The following SH3RF1 variants were observed in gnomAD, a reference collection of about 807,000 sequenced individuals.
SH3RF1 encodes the protein E3 ubiquitin-protein ligase SH3RF1.
SH3RF1 carries 32 observed loss-of-function variants against 74.0 expected under a neutral mutation model. That is an observed-to-expected ratio of 0.43 (90% CI 0.33 to 0.58). The LOEUF is 0.58. Ranked by LOEUF, SH3RF1 falls within the 20% of genes least tolerant of loss-of-function variation. The probability of loss-of-function intolerance (pLI) is 0.05; values close to 1 mark genes in which losing one functional copy is unlikely to be tolerated. For synonymous variants in SH3RF1, 396 were observed against 439.6 expected (o/e 0.90, Z 1.24); for missense variants, 954 against 1,130.9 (o/e 0.84, Z 2.24).
intron 2 of SH3RF1, among the ~76,000 whole-genome samples, chr4:169,254,933 C>G (rs1731161970): frequency 6.6e-6 from 1 of 152,190 alleles, no homozygotes; most frequent in Admixed American, 6.5e-5. Context: ...GAGGTCAGGG[C>G]TGCACCACAG....
intron 2 of SH3RF1, among the ~76,000 whole-genome samples, chr4:169,249,152 C>T (rs765344570): frequency 2.0e-5 from 3 of 152,096 alleles, no homozygotes; most frequent in Non-Finnish European, 2.9e-5. Flanking sequence ...GGCGTGAACC[C>T]GGGAGGCGGA....
At chr4:169,242,367 C>G (rs531437433) in intron 2 of SH3RF1, among the ~76,000 whole-genome samples, 2 of 152,136 alleles carry the variant, frequency 1.3e-5, no homozygotes, top group African/African-American at 4.8e-5. Flanking sequence ...AATGAAATAT[C>G]GCTTCTAAAA....
At chr4:169,164,779 A>G (rs2126969556) in intron 2 of SH3RF1, among the ~76,000 whole-genome samples, 1 of 152,356 alleles carries the variant, frequency 6.6e-6, no homozygotes, top group Non-Finnish European at 1.5e-5. Context: ...CAAATTATGC[A>G]GCAAACTACA....
intron 2 of SH3RF1, among the ~76,000 whole-genome samples, chr4:169,256,753 T>A (rs1438235244): frequency 1.3e-5 from 2 of 151,978 alleles, no homozygotes; most frequent in African/African-American, 4.8e-5. Context: ...CATGCCACCA[T>A]GCCCAGCTAA....
intron 11 of SH3RF1, among the ~76,000 whole-genome samples, chr4:169,105,914 CAG>C (rs1733125676): frequency 6.6e-6 from 1 of 152,086 alleles, no homozygotes; most frequent in Non-Finnish European, 1.5e-5. Flanking sequence ...TCTTAGCTGA[CAG>C]AATTCTCTAA....
At chr4:169,199,014 C>G (rs185657601) in intron 2 of SH3RF1, among the ~76,000 whole-genome samples, 2 of 152,272 alleles carry the variant, frequency 1.3e-5, no homozygotes, top group African/African-American at 4.8e-5. Context: ...TTCTAGAAAG[C>G]AGGTCTGAGT....
intron 2 of SH3RF1, among the ~76,000 whole-genome samples, chr4:169,189,098 T>A (rs1013522255): frequency 7.2e-5 from 11 of 152,376 alleles, no homozygotes; most frequent in African/African-American, 2.6e-4. Flanking sequence ...CTGAAGAGAT[T>A]CTTGTCAGTT....
rs1034486755 is a variant in SH3RF1 at position 169,132,694 on chromosome 4, A to C, written c.1069-2538T>G. ...AAGTAAGGTGGGGAAGAGTTGGGGT[A>C]AGCAAAAAGGAGGTGGGGGTGGGGG... On this transcript the variant is annotated intron_variant, in intron 5 of 11. Transcript: ENST00000284637. 2.6e-5 allele frequency among the ~76,000 whole-genome samples: 4 copies of C among 151,866 alleles called. 1 individual carries two copies. Among genetic ancestry groups the C allele is most frequent in the East Asian group, 1.9e-4 (1 of 5,160 alleles).
At chr4:169,206,080 G>A (rs924587099) in intron 2 of SH3RF1, among the ~76,000 whole-genome samples, 10 of 152,282 alleles carry the variant, frequency 6.6e-5, no homozygotes, top group African/African-American at 2.4e-4. Context: ...TAGTGACAAA[G>A]AAAAGTCTCT....
intron 10 of SH3RF1, among the ~76,000 whole-genome samples, chr4:169,115,250 G>A (rs1325386033): frequency 6.6e-6 from 1 of 152,152 alleles, no homozygotes; most frequent in African/African-American, 2.4e-5. Flanking sequence ...CTTAAGGTCA[G>A]ATGTACTGGG....
chr4:169,250,330 A>G (rs1304083378), intron 2 of SH3RF1, among the ~76,000 whole-genome samples: 1 of 151,798 alleles, frequency 6.6e-6, no homozygotes, highest in Admixed American at 6.6e-5. Flanking sequence ...AAAAAAAAAA[A>G]GCTTGCGGCA....
At chr4:169,249,155 G>A (rs1258303955) in intron 2 of SH3RF1, among the ~76,000 whole-genome samples, 4 of 152,200 alleles carry the variant, frequency 2.6e-5, no homozygotes, top group Non-Finnish European at 5.9e-5. Context: ...GTGAACCCGG[G>A]AGGCGGAGCT....
intron 10 of SH3RF1, among the ~76,000 whole-genome samples, chr4:169,113,560 G>A (rs897967735): frequency 6.6e-6 from 1 of 152,184 alleles, no homozygotes; most frequent in African/African-American, 2.4e-5. Context: ...CAGAAATGAT[G>A]GAGCAATGGG....
intron 11 of SH3RF1, among the ~76,000 whole-genome samples, chr4:169,105,476 C>A (rs1733117509): frequency 6.6e-6 from 1 of 152,162 alleles, no homozygotes; most frequent in Non-Finnish European, 1.5e-5. Context: ...AATAATTATT[C>A]AAGGCTGGAA....
At chr4:169,120,766 A>C (rs1733423535) in intron 8 of SH3RF1, 53 bp downstream of exon 8, 1 of 1,575,422 alleles carries the variant, frequency 6.3e-7, no homozygotes, top group Non-Finnish European at 8.7e-7. Context: ...ACCATGGAAA[A>C]GAACAAAGCT....
intron 10 of SH3RF1, among the ~76,000 whole-genome samples, chr4:169,115,675 A>T (rs908806363): frequency 2.6e-5 from 4 of 152,192 alleles, no homozygotes; most frequent in Non-Finnish European, 5.9e-5. Flanking sequence ...AATGAGCTTG[A>T]ATCATTCTGA....
chr4:169,122,368 A>T, intron 6 of SH3RF1, 102 bp from the exon 7 acceptor site: 1 of 1,319,904 alleles, frequency 7.6e-7, no homozygotes, highest in Non-Finnish European at 1.0e-6. Context: ...ATAAATCCAT[A>T]GAACAAGACT....
At chr4:169,116,209 A>G in intron 10 of SH3RF1, 60 bp downstream of exon 10, 3 of 1,538,218 alleles carry the variant, frequency 2.0e-6, no homozygotes, top group East Asian at 2.3e-5. Context: ...CAGACACAAC[A>G]TAAGAAGAAA....
chr4:169,223,072 G>T lies in SH3RF1; in HGVS notation c.393+45748C>A, dbSNP rs967618129. ...TCCTCTGCCTTCCCAAGTGGCATCA[G>T]TCCTCCAACACGCAGACTCACTTTA... On this transcript the variant is annotated intron_variant, in intron 2 of 11. Transcript: ENST00000284637. Among the ~76,000 whole-genome samples, 3 of 152,146 alleles carry T rather than the reference G, an allele frequency of 2.0e-5. No homozygotes were observed. The East Asian group carries it at 5.8e-4, about 29-fold the overall frequency.
Sources: gnomAD v4.1 joint callset for allele counts (sites outside exome capture counted in the v4.1 genomes callset) on GRCh38, gnomAD v4.1.1 for gene constraint, MANE v1.5 for transcripts, NCBI Gene and HGNC (gene_info 2026-07-23, HGNC 2026-07-21) for gene names.